TUNAR: variants seen among roughly 807,000 people sequenced by gnomAD.
TUNAR encodes transmembrane neural differentiation associated intracellular calcium regulator, also known as protein TUNAR.
At chr14:95,924,271 TGAG>T (rs1215238007) in exon 3 of TUNAR, 2 of 152,164 alleles carry the variant, frequency 1.3e-5, no homozygotes, top group African/African-American at 4.8e-5. Context: ...TTCAGGGACA[TGAG>T]GAGGGGATTT....
chr14:95,914,130 G>A (rs1044318598), intron 2 of TUNAR, among the ~76,000 whole-genome samples: 3 of 152,164 alleles, frequency 2.0e-5, no homozygotes, highest in Admixed American at 1.3e-4. Context: ...TGAACTAGTT[G>A]GTATTAAGCT....
chr14:95,912,877 A>G (rs1383400460), intron 2 of TUNAR, among the ~76,000 whole-genome samples: 3 of 151,608 alleles, frequency 2.0e-5, no homozygotes. Context: ...TGCAGGCTCC[A>G]TCTCCCAGGT....
chr14:95,896,711 G>T (rs1360541569), intron 2 of TUNAR, among the ~76,000 whole-genome samples: 1 of 152,216 alleles, frequency 6.6e-6, no homozygotes, highest in African/African-American at 2.4e-5. Context: ...GTGCCCAGGT[G>T]CCCCAAAAGG....
chr14:95,916,088 A>G (rs1430975013), intron 2 of TUNAR, among the ~76,000 whole-genome samples: 2 of 152,254 alleles, frequency 1.3e-5, no homozygotes, highest in Non-Finnish European at 2.9e-5. Flanking sequence ...AGTAAGTATT[A>G]AATCACCAAT....
At chr14:95,908,493 G>A (rs1889460812) in intron 2 of TUNAR, among the ~76,000 whole-genome samples, 1 of 152,222 alleles carries the variant, frequency 6.6e-6, no homozygotes. Flanking sequence ...GGTCTCTCAT[G>A]ACAACTTACT....
intron 2 of TUNAR, among the ~76,000 whole-genome samples, chr14:95,886,807 T>C (rs1187058125): frequency 6.6e-6 from 1 of 152,152 alleles, no homozygotes; most frequent in Non-Finnish European, 1.5e-5. Flanking sequence ...CTGGCAGCAG[T>C]CCACCTGGAA....
intron 2 of TUNAR, among the ~76,000 whole-genome samples, chr14:95,890,598 A>G (rs553222630): frequency 1.3e-5 from 2 of 152,268 alleles, no homozygotes; most frequent in African/African-American, 4.8e-5. Flanking sequence ...GAGAAATAGC[A>G]CGTTCACTAC....
chr14:95,922,240 G>A (rs1040033933), intron 2 of TUNAR, among the ~76,000 whole-genome samples: 23 of 152,304 alleles, frequency 1.5e-4, no homozygotes, highest in African/African-American at 5.3e-4. Context: ...TCCACACCGT[G>A]CATAGACCCT....
chr14:95,880,022 G>A (rs1217713983), intron 2 of TUNAR, among the ~76,000 whole-genome samples: 2 of 152,162 alleles, frequency 1.3e-5, no homozygotes, highest in African/African-American at 2.4e-5. Context: ...AACAGCTTCC[G>A]TAGGCCAGGA....
At chr14:95,899,283 T>A (rs985180696) in intron 2 of TUNAR, among the ~76,000 whole-genome samples, 10 of 152,120 alleles carry the variant, frequency 6.6e-5, no homozygotes, top group Admixed American at 5.2e-4. Context: ...TGATGTCCTT[T>A]GTCGAAGGTG....
chr14:95,922,747 G>T, intron 2 of TUNAR, 34 bp from the exon 2 acceptor site: 1 of 398,560 alleles, frequency 2.5e-6, no homozygotes, highest in East Asian at 3.6e-5. Context: ...GCTTATAAAT[G>T]ATCATCTTTT....
chr14:95,921,254 G>T (rs1889692513), intron 2 of TUNAR, among the ~76,000 whole-genome samples: 1 of 152,234 alleles, frequency 6.6e-6, no homozygotes, highest in Non-Finnish European at 1.5e-5. Flanking sequence ...ATCTGGGCGT[G>T]CATGACCCAG....
intron 2 of TUNAR, among the ~76,000 whole-genome samples, chr14:95,886,026 T>C (rs1054470679): frequency 3.3e-5 from 5 of 152,174 alleles, no homozygotes; most frequent in African/African-American, 1.2e-4. Flanking sequence ...CTTCAGCAAT[T>C]GCTGCCCAGC....
intron 2 of TUNAR, among the ~76,000 whole-genome samples, chr14:95,904,587 G>A (rs1889402441): frequency 6.6e-6 from 1 of 152,214 alleles, no homozygotes; most frequent in African/African-American, 2.4e-5. Context: ...CAGAGGCCGA[G>A]TCCTAAGAGG....
At chr14:95,891,552 C>T (rs1262653567) in intron 2 of TUNAR, among the ~76,000 whole-genome samples, 2 of 152,206 alleles carry the variant, frequency 1.3e-5, no homozygotes, top group East Asian at 3.8e-4. Flanking sequence ...CTGCCCAGGG[C>T]CACACGGCTC....
At chr14:95,910,252 C>T (rs1285311906) in intron 2 of TUNAR, among the ~76,000 whole-genome samples, 1 of 152,166 alleles carries the variant, frequency 6.6e-6, no homozygotes, top group Non-Finnish European at 1.5e-5. Context: ...CACGGTGGCT[C>T]ACGCCTGTAA....
At chr14:95,918,617 C>G (rs1476163919) in intron 2 of TUNAR, among the ~76,000 whole-genome samples, 1 of 152,168 alleles carries the variant, frequency 6.6e-6, no homozygotes, top group Non-Finnish European at 1.5e-5. Flanking sequence ...CGGAGAAGGT[C>G]TCTTCTAGGT....
At chr14:95,892,116 A>G (rs1399820407) in intron 2 of TUNAR, among the ~76,000 whole-genome samples, 1 of 152,234 alleles carries the variant, frequency 6.6e-6, no homozygotes, top group East Asian at 1.9e-4. Context: ...GGACTTGAGC[A>G]TATCTTTTGG....
intron 2 of TUNAR, among the ~76,000 whole-genome samples, chr14:95,919,067 G>A (rs1310010431): frequency 1.3e-5 from 2 of 152,156 alleles, no homozygotes; most frequent in Non-Finnish European, 2.9e-5. Flanking sequence ...ACTAGTGCTT[G>A]GATAGACATC....
Sources: allele counts gnomAD v4.1 joint callset (sites outside exome capture counted in the v4.1 genomes callset), GRCh38; gene constraint gnomAD v4.1.1; transcripts MANE v1.5; gene names NCBI Gene and HGNC (gene_info 2026-07-23, HGNC 2026-07-21).